Variants in DLG2 observed in about 807,000 individuals in gnomAD.
DLG2 encodes the protein disks large homolog 2.
DLG2 carries 45 observed loss-of-function variants against 132.5 expected under a neutral mutation model. The observed-to-expected ratio is 0.34, with a 90% CI of 0.27 to 0.44. DLG2 has a LOEUF of 0.44. DLG2 is among the 20% of genes least tolerant of loss of function. DLG2 has a pLI of 1.00. For missense variants in DLG2, 1,045 were observed against 1,196.9 expected, an observed-to-expected ratio of 0.87 and a Z score of 1.87; for synonymous variants, 424 against 419.6, an observed-to-expected ratio of 1.01 and a Z score of -0.13.
At chr11:85,219,638 G>A (rs994124306) in intron 4 of DLG2, among the ~76,000 whole-genome samples, 5 of 150,768 alleles carry the variant, frequency 3.3e-5, no homozygotes, top group African/African-American at 9.8e-5. Flanking sequence ...CTGTTATCAG[G>A]TGGCATTCTC....
At chr11:84,607,663 G>A in intron 6 of DLG2, among the ~76,000 whole-genome samples, 1 of 151,898 alleles carries the variant, frequency 6.6e-6, no homozygotes, top group Admixed American at 6.6e-5. Flanking sequence ...TCTAGAGCAA[G>A]ACAGACCTAA....
intron 7 of DLG2, among the ~76,000 whole-genome samples, chr11:84,454,959 T>C (rs2099061483): frequency 6.6e-6 from 1 of 151,334 alleles, no homozygotes; most frequent in Non-Finnish European, 1.5e-5. Flanking sequence ...CAGATTGCAC[T>C]TGAAATATGT....
intron 3 of DLG2, among the ~76,000 whole-genome samples, chr11:85,565,842 T>TATTTTCA (rs1386534822): frequency 1.3e-5 from 2 of 152,132 alleles, no homozygotes; most frequent in Non-Finnish European, 2.9e-5. Context: ...TAAATATATA[T>TATTTTCA]ATTTTCAATT....
intron 4 of DLG2, among the ~76,000 whole-genome samples, chr11:85,217,079 T>A (rs1303120865): frequency 1.3e-5 from 2 of 152,126 alleles, no homozygotes; most frequent in African/African-American, 4.8e-5. Flanking sequence ...TTTATTTCAT[T>A]TTATCCCCAA....
At chr11:83,526,677 C>G (rs1407756886) in intron 21 of DLG2, among the ~76,000 whole-genome samples, 5 of 152,178 alleles carry the variant, frequency 3.3e-5, no homozygotes, top group Non-Finnish European at 7.4e-5. Flanking sequence ...TTTTAGGCAT[C>G]AAAACTGACT....
chr11:85,184,276 C>A (rs2079931648), intron 4 of DLG2, among the ~76,000 whole-genome samples: 1 of 150,886 alleles, frequency 6.6e-6, no homozygotes, highest in African/African-American at 2.4e-5. Context: ...TTAAAACAAA[C>A]TTATGCATAG....
At chr11:84,329,712 G>T (rs1029503094) in intron 7 of DLG2, among the ~76,000 whole-genome samples, 1 of 152,138 alleles carries the variant, frequency 6.6e-6, no homozygotes, top group Admixed American at 6.5e-5. Context: ...TCTCACTTTG[G>T]ACAAGTCACA....
intron 7 of DLG2, among the ~76,000 whole-genome samples, chr11:84,260,575 T>C (rs1043968008): frequency 2.6e-5 from 4 of 152,214 alleles, no homozygotes; most frequent in East Asian, 3.8e-4. Context: ...GGAACTAACA[T>C]TGATTAACCA....
At chr11:84,156,184 A>T (rs2095425152) in intron 9 of DLG2, among the ~76,000 whole-genome samples, 1 of 152,178 alleles carries the variant, frequency 6.6e-6, no homozygotes, top group Non-Finnish European at 1.5e-5. Flanking sequence ...TTACTATCAC[A>T]ATCTGAGCCG....
chr11:85,267,721 T>C (rs537114837), intron 4 of DLG2, among the ~76,000 whole-genome samples: 5 of 152,370 alleles, frequency 3.3e-5, no homozygotes, highest in African/African-American at 1.2e-4. Context: ...TTTCATTTTA[T>C]AGGGAAGCCT....
chr11:85,537,911 T>A (rs937296324), intron 3 of DLG2, among the ~76,000 whole-genome samples: 1 of 151,784 alleles, frequency 6.6e-6, no homozygotes, highest in African/African-American at 2.4e-5. Flanking sequence ...GGTCAGGAGA[T>A]TGAGACCATC....
intron 6 of DLG2, among the ~76,000 whole-genome samples, chr11:84,727,725 C>G (rs1198032106): frequency 6.6e-6 from 1 of 152,048 alleles, no homozygotes; most frequent in East Asian, 1.9e-4. Context: ...TAATTCTATC[C>G]ATGAGAATGA....
In DLG2 at chr11:84,970,399, G is replaced by C. The variant is rs141232709; in HGVS notation, c.357+141262C>G. Among the ~76,000 whole-genome samples the C allele has an allele frequency of 4.3e-3, 649 of 152,052 alleles. 1 individual carries two copies. Among genetic ancestry groups the C allele is most frequent in the Non-Finnish European group, 7.1e-3 (483 of 67,986 alleles). ...TCATTCATTCAGTACATTTTTATTGGGTGTCCCTGTCTTAGTCCATTTGGG... is the reference window on the plus strand; with the variant it reads ...TCATTCATTCAGTACATTTTTATTGCGTGTCCCTGTCTTAGTCCATTTGGG... On this transcript the variant is annotated intron_variant, in intron 6 of 27. Coordinates refer to ENST00000376104, the MANE Select transcript of DLG2 (RefSeq NM_001142699.3).
chr11:83,703,008 A>G (rs111979883), intron 18 of DLG2, among the ~76,000 whole-genome samples: 1,834 of 152,314 alleles, frequency 0.012, 15 homozygotes, highest in Non-Finnish European at 0.02. Context: ...CAGGGGGGAA[A>G]ATATATTATC....
chr11:84,231,771 T>G (rs1410596237), intron 8 of DLG2, among the ~76,000 whole-genome samples: 1 of 151,960 alleles, frequency 6.6e-6, no homozygotes, highest in Non-Finnish European at 1.5e-5. Flanking sequence ...GAATAAGAAC[T>G]CAGAGAGCTA....
intron 21 of DLG2, among the ~76,000 whole-genome samples, chr11:83,495,065 G>T (rs1168182263): frequency 6.6e-6 from 1 of 152,082 alleles, no homozygotes; most frequent in Non-Finnish European, 1.5e-5. Context: ...CTAAACCAGT[G>T]AGTGACTCTA....
chr11:83,757,151 T>C (rs1319062259), intron 18 of DLG2, among the ~76,000 whole-genome samples: 1 of 152,158 alleles, frequency 6.6e-6, no homozygotes, highest in African/African-American at 2.4e-5. Flanking sequence ...ATGATCCCCA[T>C]TTTCACTATG....
intron 6 of DLG2, among the ~76,000 whole-genome samples, chr11:85,042,823 T>C (rs1354745521): frequency 6.6e-6 from 1 of 151,944 alleles, no homozygotes; most frequent in African/African-American, 2.4e-5. Flanking sequence ...TTAAAATTCA[T>C]ATGCTTCAAA....
intron 3 of DLG2, among the ~76,000 whole-genome samples, chr11:85,357,750 A>ACC (rs1565373797): frequency 1.0e-4 from 5 of 49,056 alleles, no homozygotes; most frequent in Non-Finnish European, 2.0e-4. Context: ...ATATATATAT[A>ACC]TATATATATA....
Sources: allele counts gnomAD v4.1 joint callset (sites outside exome capture counted in the v4.1 genomes callset), GRCh38; gene constraint gnomAD v4.1.1; transcripts MANE v1.5; gene names NCBI Gene and HGNC (gene_info 2026-07-23, HGNC 2026-07-21).